The following MAML2 variants were observed in gnomAD, a reference collection of about 807,000 sequenced individuals.
MAML2 encodes the protein mastermind-like protein 2.
Under a neutral mutation model 96.1 loss-of-function variants are expected in MAML2, and 22 were observed. The observed-to-expected ratio is 0.23, with a 90% CI of 0.16 to 0.33. The LOEUF (loss-of-function observed/expected upper bound fraction) is 0.33. Ranked by LOEUF, MAML2 falls within the 10% of genes least tolerant of loss-of-function variation. The pLI, the probability that MAML2 is intolerant of heterozygous loss-of-function variation, is 1.00. For missense variants in MAML2, 1,367 were observed against 1,392.4 expected, an observed-to-expected ratio of 0.98 and a Z score of 0.29; for synonymous variants, 561 against 521.3, an observed-to-expected ratio of 1.08 and a Z score of -1.04.
Position 95,991,695 on chromosome 11 carries a change from G to C in MAML2, c.2168C>G (p.Thr723Arg). Reference sequence around the variant, plus strand: ...GGGGTTAGGACTTGGACTGGGGCCTGTGTTCTGGCCTACCACAGAGTGTTG... The same window carrying C: ...GGGGTTAGGACTTGGACTGGGGCCTCTGTTCTGGCCTACCACAGAGTGTTG... ...QDQHSVVGQN[T>R]GPSPSPNPCS... The change falls in exon 3 of 5, where the codon ACA becomes AGA. Residue 723 changes from threonine (T) to arginine (R), a missense_variant. Coordinates refer to ENST00000524717, the MANE Select transcript of MAML2 (RefSeq NM_032427.4). The C allele has an allele frequency of 6.2e-7, 1 of 1,613,682 alleles. No homozygotes were observed. Among genetic ancestry groups the C allele is most frequent in the Non-Finnish European group, 8.5e-7 (1 of 1,179,688 alleles).
At chr11:96,057,870 T>C (rs1325431291) in intron 2 of MAML2, among the ~76,000 whole-genome samples, 1 of 152,202 alleles carries the variant, frequency 6.6e-6, no homozygotes, top group African/African-American at 2.4e-5. Context: ...GAAAATCCAC[T>C]ATCATAGTGG....
At chr11:96,011,370 T>C (rs1396372498) in intron 2 of MAML2, among the ~76,000 whole-genome samples, 1 of 152,186 alleles carries the variant, frequency 6.6e-6, no homozygotes. Context: ...ATATACACCA[T>C]GAAATACTAC....
At chr11:96,226,499 C>A (rs1862211268) in intron 1 of MAML2, among the ~76,000 whole-genome samples, 1 of 152,182 alleles carries the variant, frequency 6.6e-6, no homozygotes, top group Non-Finnish European at 1.5e-5. Context: ...CTAATTAATT[C>A]TAATCTGTTC....
chr11:95,984,073 T>C (rs1286320229), intron 4 of MAML2, among the ~76,000 whole-genome samples: 1 of 152,290 alleles, frequency 6.6e-6, no homozygotes, highest in Middle Eastern at 3.4e-3. Flanking sequence ...TGTACCATTT[T>C]GTATCTTTTT....
rs774328247 is a variant in MAML2, at chr11:96,341,838, C to A, written c.58G>T (p.Ala20Ser). 4.5e-6 allele frequency: 7 copies of A among 1,570,622 alleles called. No homozygotes were observed. Among genetic ancestry groups the A allele is most frequent in the African/African-American group, 1.3e-5 (1 of 74,238 alleles). ...ACTGAGCCCCCTCCAAGGAGCCCCG[C>A]CCCAGAGGCCCCCCCTAGCCCTCCT... ...PAGGLGGASG[A>S]GLLGGGSVTP... Residue 20 changes from alanine to serine, a missense_variant, in exon 1 of 5, where the codon GCG (alanine) becomes TCG (serine). Transcript: ENST00000524717.
intron 1 of MAML2, among the ~76,000 whole-genome samples, chr11:96,179,022 G>A (rs1039712588): frequency 6.6e-6 from 1 of 152,012 alleles, no homozygotes; most frequent in African/African-American, 2.4e-5. Flanking sequence ...TTGATTAGAC[G>A]GCATCCCGAG....
intron 2 of MAML2, among the ~76,000 whole-genome samples, chr11:96,064,088 C>T (rs16923010): frequency 2.0e-5 from 3 of 152,204 alleles, no homozygotes; most frequent in Non-Finnish European, 4.4e-5. Context: ...CCTGAAGATA[C>T]ATGATTCAGT....
At chr11:96,138,312 A>G (rs1860669709) in intron 1 of MAML2, among the ~76,000 whole-genome samples, 1 of 152,170 alleles carries the variant, frequency 6.6e-6, no homozygotes, top group Non-Finnish European at 1.5e-5. Context: ...TGATTTCCAG[A>G]CAGCCACCTG....
chr11:96,081,983 C>T (rs538393769), intron 2 of MAML2, among the ~76,000 whole-genome samples: 1 of 152,236 alleles, frequency 6.6e-6, no homozygotes, highest in African/African-American at 2.4e-5. Context: ...GATTATACAG[C>T]CTACATATAC....
At chr11:96,103,117 T>G (rs1274676340) in intron 1 of MAML2, among the ~76,000 whole-genome samples, 1 of 152,212 alleles carries the variant, frequency 6.6e-6, no homozygotes, top group Non-Finnish European at 1.5e-5. Flanking sequence ...CTCCCTGCTT[T>G]AATGATTTTA....
chr11:96,341,454 C>T lies in MAML2; in HGVS notation c.442G>A (p.Gly148Ser). Residue 148 changes from glycine (G) to serine (S), a missense_variant, in exon 1 of 5, where the codon GGT becomes AGT. Coordinates refer to ENST00000524717, the MANE Select transcript of MAML2 (RefSeq NM_032427.4). The stretch of plus-strand genomic sequence containing the variant: ...GGCTGCTGCTCTCCGTTTATCCCAC[C>T]ACTGCCACCATTATTGCTACTGTTC... ...LLNSSNNGGS[G>S]GINGEQQPPA... 3 of 1,551,186 alleles carry T rather than the reference C, an allele frequency of 1.9e-6. No homozygotes were observed. Among genetic ancestry groups the T allele is most frequent in the Middle Eastern group, 1.7e-4 (1 of 5,992 alleles).
At chr11:96,239,207 TTA>T (rs1044519848) in intron 1 of MAML2, among the ~76,000 whole-genome samples, 6 of 152,204 alleles carry the variant, frequency 3.9e-5, no homozygotes. Context: ...TAAATGGCTG[TTA>T]TATAGTGTTA....
intron 2 of MAML2, among the ~76,000 whole-genome samples, chr11:96,036,805 G>A (rs913957315): frequency 6.6e-6 from 1 of 152,136 alleles, no homozygotes; most frequent in African/African-American, 2.4e-5. Flanking sequence ...AGGAATGACA[G>A]TATATTTCTA....
At chr11:96,315,778 G>A (rs1720639022) in intron 1 of MAML2, among the ~76,000 whole-genome samples, 1 of 152,222 alleles carries the variant, frequency 6.6e-6, no homozygotes, top group Non-Finnish European at 1.5e-5. Context: ...GCCAGGCTAT[G>A]CATCCAGTCC....
intron 1 of MAML2, among the ~76,000 whole-genome samples, chr11:96,208,382 T>C (rs745915079): frequency 3.9e-5 from 6 of 152,242 alleles, no homozygotes; most frequent in Non-Finnish European, 7.3e-5. Flanking sequence ...GAACGTTTTG[T>C]ACATTCTGCT....
intron 2 of MAML2, among the ~76,000 whole-genome samples, chr11:96,025,831 G>C (rs1453122551): frequency 6.6e-6 from 1 of 152,090 alleles, no homozygotes; most frequent in Non-Finnish European, 1.5e-5. Context: ...AAAGTGCTGG[G>C]ATTACAGGTA....
chr11:96,324,125 T>C (rs1863744140), intron 1 of MAML2, among the ~76,000 whole-genome samples: 1 of 152,252 alleles, frequency 6.6e-6, no homozygotes, highest in South Asian at 2.1e-4. Context: ...ATAATACCTA[T>C]GTAATTATCT....
intron 1 of MAML2, among the ~76,000 whole-genome samples, chr11:96,318,392 T>C (rs2136009155): frequency 6.6e-6 from 1 of 152,346 alleles, no homozygotes; most frequent in East Asian, 1.9e-4. Context: ...TAATATACTT[T>C]ACTTCCTCAC....
intron 2 of MAML2, among the ~76,000 whole-genome samples, chr11:96,043,834 CTA>C (rs1235534839): frequency 6.6e-6 from 1 of 152,328 alleles, no homozygotes; most frequent in African/African-American, 2.4e-5. Flanking sequence ...CACACAGTAA[CTA>C]TCCTACTAAG....
Sources: gnomAD v4.1 joint callset for allele counts (sites outside exome capture counted in the v4.1 genomes callset) on GRCh38, gnomAD v4.1.1 for gene constraint, MANE v1.5 for transcripts, NCBI Gene and HGNC (gene_info 2026-07-23, HGNC 2026-07-21) for gene names.